Variants in KIF20B observed in about 807,000 individuals in gnomAD.
KIF20B encodes the protein kinesin-like protein KIF20B.
Under a neutral mutation model 232.5 loss-of-function variants are expected in KIF20B, and 188 were observed. The observed-to-expected ratio is 0.81, with a 90% CI of 0.72 to 0.91. The LOEUF (loss-of-function observed/expected upper bound fraction) is 0.91, where lower values mean the gene tolerates loss of function less well. Ranked by LOEUF, KIF20B falls within the 40% of genes least tolerant of loss-of-function variation. The pLI is 0.00. For synonymous variants in KIF20B, 712 were observed against 683.0 expected, an observed-to-expected ratio of 1.04 and a Z score of -0.66; for missense variants, 2,154 against 2,055.9, an observed-to-expected ratio of 1.05 and a Z score of -0.92.
At chr10:89,723,864 A>G (rs972554626) in intron 13 of KIF20B, 100 bp from the exon 14 acceptor site, 23 of 957,636 alleles carry the variant, frequency 2.4e-5, no homozygotes, top group African/African-American at 1.0e-4. Flanking sequence ...CAGAATTACA[A>G]TTGACTAAAT....
rs1323214309 is a variant in KIF20B, at chr10:89,701,630, G to A, written c.-52G>A. ...CCGCCATTGTTTGAATTTGAAAACG[G>A]TAACATCGCAGTGCTGCTCGCGGGT... On this transcript the variant is annotated 5_prime_UTR_variant, in exon 1 of 33. Coordinates refer to ENST00000371728, the MANE Select transcript of KIF20B (RefSeq NM_001284259.2). 1 of 152,372 alleles carries A rather than the reference G, an allele frequency of 6.6e-6. No homozygotes were observed. The allele number at this position is 152,372 out of a possible 1,614,324, so 9.4% of individuals were successfully genotyped here. A position where few individuals can be genotyped will look rare whatever the true frequency, so the allele number is the denominator to read the frequency against.
intron 23 of KIF20B, among the ~76,000 whole-genome samples, chr10:89,749,897 ATATGCAGCACTTGATTGCTTGTTCAT>A (rs1208730942): frequency 6.6e-6 from 1 of 152,162 alleles, no homozygotes; most frequent in Non-Finnish European, 1.5e-5. Flanking sequence ...CAAGTGTTGA[ATATGCAGCACTTGATTGCTTGTTCAT>A]TTAATAGTCA....
chr10:89,721,393 C>T (rs551632708), intron 13 of KIF20B, among the ~76,000 whole-genome samples: 2 of 152,230 alleles, frequency 1.3e-5, no homozygotes, highest in East Asian at 3.9e-4. Flanking sequence ...TCTAGTTTGG[C>T]TGGTGCAGTG....
chr10:89,753,272 A>G (rs1431446657), intron 25 of KIF20B, among the ~76,000 whole-genome samples: 1 of 152,106 alleles, frequency 6.6e-6, no homozygotes, highest in East Asian at 1.9e-4. Context: ...TTCATAACAG[A>G]AGCTGTAGGA....
At chr10:89,755,612 G>C (rs1406540906) in intron 26 of KIF20B, among the ~76,000 whole-genome samples, 1 of 149,528 alleles carries the variant, frequency 6.7e-6, no homozygotes, top group Non-Finnish European at 1.5e-5. Context: ...CTCTTTTAAA[G>C]AGACAAGGTC....
chr10:89,712,571 A>G (rs1332757938), intron 6 of KIF20B, among the ~76,000 whole-genome samples: 1 of 151,190 alleles, frequency 6.6e-6, no homozygotes, highest in Non-Finnish European at 1.5e-5. Context: ...GTTTTTCAGT[A>G]TTCATCTATT....
intron 6 of KIF20B, among the ~76,000 whole-genome samples, chr10:89,712,084 C>T (rs139254389): frequency 6.6e-6 from 1 of 151,218 alleles, no homozygotes; most frequent in African/African-American, 2.4e-5. Flanking sequence ...TGAATTGTCA[C>T]ATGTTCTTTG....
chr10:89,723,336 T>C (rs978060961), intron 13 of KIF20B, among the ~76,000 whole-genome samples: 3 of 152,196 alleles, frequency 2.0e-5, no homozygotes, highest in African/African-American at 7.2e-5. Flanking sequence ...ATGTTAAGTG[T>C]TTTATTTATT....
intron 17 of KIF20B, among the ~76,000 whole-genome samples, 177 bp from the exon 18 acceptor site, chr10:89,728,949 ATG>A (rs1843256817): frequency 7.7e-5 from 4 of 51,902 alleles, no homozygotes; most frequent in African/African-American, 3.2e-4. Flanking sequence ...GTGTGTGTGT[ATG>A]TAATTTTTTT....
In KIF20B at chr10:89,738,189, AAAAG is replaced by A. The variant is rs1196684830; in HGVS notation, c.3352_3355del (p.Glu1118LeufsTer6). On this transcript the variant is annotated frameshift_variant, in exon 20 of 33. Transcript: ENST00000371728. LOFTEE classifies it high-confidence loss of function. ...AAAACCAAGATGACCTACTAAAAGA[AAAAG>A]AAACTCTTATACAGCAGCTGAAAGA... is the stretch of plus-strand genomic sequence containing the variant. The A allele has an allele frequency of 5.0e-6, 8 of 1,606,442 alleles. No homozygotes were observed. The highest frequency in any genetic ancestry group is 4.5e-5 in the South Asian group (4 of 89,774).
chr10:89,743,852 T>C lies in KIF20B; in HGVS notation c.3960T>C (p.Ile1320=), dbSNP rs765776730. The C allele has an allele frequency of 1.9e-6, 3 of 1,566,444 alleles. No individual in the cohort carries two copies. Among genetic ancestry groups the C allele is most frequent in the East Asian group, 2.3e-5 (1 of 43,412 alleles). The change falls in exon 22 of 33, where the codon ATT becomes ATC. Residue 1320 remains isoleucine, a synonymous_variant. Coordinates refer to ENST00000371728, the MANE Select transcript of KIF20B (RefSeq NM_001284259.2). The part of the protein sequence containing the change: ...RDEDKLLRIK[I]NELEKKKNQC... ...AGGATAAATTACTGAGGATTAAAAT[T>C]AATGAACTGGAGAAAAAGAAAAACC...
chr10:89,751,327 G>C lies in KIF20B; in HGVS notation c.4097-19G>C. On this transcript the variant is annotated intron_variant, in intron 23 of 32. Transcript: ENST00000371728. ...TCTAGAGGCTATTAATTTCTAAAAT[G>C]TTCTCCCCCGATTTTTAGATCTAAA... 6.3e-7 allele frequency: 1 copy of C among 1,578,186 alleles called. No homozygotes were observed. The highest frequency in any genetic ancestry group is 8.6e-7 in the Non-Finnish European group (1 of 1,164,522).
chr10:89,723,877 A>G, intron 13 of KIF20B, 87 bp from the exon 14 acceptor site: 2 of 1,054,028 alleles, frequency 1.9e-6, no homozygotes, highest in South Asian at 3.1e-5. Context: ...GACTAAATGT[A>G]AAGTTTTATT....
rs1209963748 is a variant in KIF20B at position 89,719,725 on chromosome 10, T to C, written c.1722+19T>C. Reference sequence around the variant, plus strand: ...GAAAAGAGTATGTATTAAGAACTCATACTTCTATGCTTGTCTTCTTATTCT... The same window carrying C: ...GAAAAGAGTATGTATTAAGAACTCACACTTCTATGCTTGTCTTCTTATTCT... On this transcript the variant is annotated intron_variant, in intron 13 of 32. Transcript: ENST00000371728. 1 of 1,553,528 alleles carries C rather than the reference T, an allele frequency of 6.4e-7. No individual in the cohort carries two copies. The highest frequency in any genetic ancestry group is 8.7e-7 in the Non-Finnish European group (1 of 1,147,756).
At chr10:89,762,415 T>G (rs566216081) in intron 28 of KIF20B, among the ~76,000 whole-genome samples, 1 of 152,308 alleles carries the variant, frequency 6.6e-6, no homozygotes, top group Admixed American at 6.5e-5. Context: ...CTTATGATCA[T>G]ACAAGTTTGG....
chr10:89,731,822 A>G (rs191949803), intron 18 of KIF20B, among the ~76,000 whole-genome samples: 348 of 152,190 alleles, frequency 2.3e-3, no homozygotes, highest in African/African-American at 7.8e-3. Flanking sequence ...AAGCGTGGAG[A>G]TTGTTCTTTA....
intron 26 of KIF20B, among the ~76,000 whole-genome samples, chr10:89,757,040 G>GTGTGTGTATATATATATA (rs1301847520): frequency 3.6e-5 from 4 of 110,742 alleles, no homozygotes; most frequent in African/African-American, 1.3e-4. Flanking sequence ...GTGTGTGTGT[G>GTGTGTGTATATATATATA]TATATATATA....
intron 29 of KIF20B, among the ~76,000 whole-genome samples, chr10:89,767,683 C>T (rs1011528220): frequency 2.0e-5 from 3 of 151,924 alleles, no homozygotes; most frequent in African/African-American, 7.3e-5. Flanking sequence ...GAGTAAGATG[C>T]CATACCCATG....
At chr10:89,772,481 G>A (rs10881666) in intron 31 of KIF20B, among the ~76,000 whole-genome samples, 46,535 of 151,280 alleles carry the variant, frequency 0.31, 7,978 homozygotes, top group African/African-American at 0.45. Context: ...TTTTGCTGTC[G>A]ATCATTATTT....
Sources: allele counts gnomAD v4.1 joint callset (sites outside exome capture counted in the v4.1 genomes callset), GRCh38; gene constraint gnomAD v4.1.1; transcripts MANE v1.5; gene names NCBI Gene and HGNC (gene_info 2026-07-23, HGNC 2026-07-21).